Variants in ATP9A observed in about 807,000 individuals in gnomAD.
ATP9A encodes the protein ATPase phospholipid transporting 9A.
Under a neutral mutation model 144.1 loss-of-function variants are expected in ATP9A, and 52 were observed. The observed-to-expected ratio is 0.36, with a 90% confidence interval of 0.29 to 0.45. The LOEUF (loss-of-function observed/expected upper bound fraction) is 0.45. ATP9A is among the 20% of genes least tolerant of loss of function. The probability of loss-of-function intolerance (pLI) is 1.00; values close to 1 mark genes in which losing one functional copy is unlikely to be tolerated. For missense variants in ATP9A, 947 were observed against 1,392.7 expected, an observed-to-expected ratio of 0.68 and a Z score of 5.09; for synonymous variants, 582 against 557.4, an observed-to-expected ratio of 1.04 and a Z score of -0.62.
intron 13 of ATP9A, among the ~76,000 whole-genome samples, chr20:51,662,722 T>C (rs987187730): frequency 2.0e-5 from 3 of 152,104 alleles, no homozygotes; most frequent in Admixed American, 1.3e-4. Context: ...AATAGTGTTA[T>C]TCTGGCAGTG....
rs45519340 is a variant in ATP9A, at chr20:51,618,868, C to T, written c.2206-62G>A. On this transcript the variant is annotated intron_variant, in intron 20 of 27. Transcript: ENST00000338821. Reference sequence around the variant, plus strand: ...GGAGAGGTGGTGCGTTGGTGGAGGTCGCTGCCGAGCCTGCAGTGCCCCTGC... The same window carrying T: ...GGAGAGGTGGTGCGTTGGTGGAGGTTGCTGCCGAGCCTGCAGTGCCCCTGC... 2,346 of 1,582,602 alleles carry T rather than the reference C, an allele frequency of 1.5e-3. 3 individuals are homozygous for T. Among genetic ancestry groups the T allele is most frequent in the Non-Finnish European group, 1.8e-3 (2,055 of 1,161,402 alleles).
rs754326377 is a variant in ATP9A at position 51,601,200 on chromosome 20, G to A, written c.*11C>T. 1.9e-5 allele frequency: 30 copies of A among 1,591,464 alleles called. No individual in the cohort carries two copies. Among genetic ancestry groups the A allele is most frequent in the Middle Eastern group, 3.4e-4 (2 of 5,818 alleles). On this transcript the variant is annotated 3_prime_UTR_variant, in exon 28 of 28. Coordinates refer to ENST00000338821, the MANE Select transcript of ATP9A (RefSeq NM_006045.3). ...CGCCAAGACCAGGGCCCCCTCCAGC[G>A]AACGCACGGCCTATGATGTGAGCTT...
At chr20:51,620,674 C>T (rs947234141) in intron 19 of ATP9A, among the ~76,000 whole-genome samples, 3 of 152,006 alleles carry the variant, frequency 2.0e-5, no homozygotes, top group South Asian at 4.2e-4. Context: ...AGCAAAGAAG[C>T]GCTGTGTGCG....
At chr20:51,691,747 T>C (rs1052878518) in intron 7 of ATP9A, among the ~76,000 whole-genome samples, 4 of 152,160 alleles carry the variant, frequency 2.6e-5, no homozygotes, top group Admixed American at 6.5e-5. Flanking sequence ...TCCGGCTATA[T>C]ACCCAAAAGA....
At chr20:51,659,096 C>T (rs1444542509) in intron 13 of ATP9A, among the ~76,000 whole-genome samples, 2 of 152,130 alleles carry the variant, frequency 1.3e-5, no homozygotes, top group South Asian at 2.1e-4. Context: ...TGCCTGGAAC[C>T]CCATCCCCCA....
intron 14 of ATP9A, among the ~76,000 whole-genome samples, chr20:51,651,704 G>A (rs987072095): frequency 1.3e-5 from 2 of 151,994 alleles, no homozygotes; most frequent in African/African-American, 4.8e-5. Flanking sequence ...TGAGGTGAGT[G>A]GATCATTTGA....
At chr20:51,686,912 G>A (rs899124809) in intron 9 of ATP9A, among the ~76,000 whole-genome samples, 12 of 144,780 alleles carry the variant, frequency 8.3e-5, no homozygotes, top group Admixed American at 7.9e-4. Context: ...TCCAGCCTGG[G>A]CCACAGAGGG....
intron 8 of ATP9A, 85 bp downstream of exon 8, chr20:51,690,654 A>G: frequency 1.7e-6 from 2 of 1,183,342 alleles, no homozygotes; most frequent in Non-Finnish European, 2.5e-6. Flanking sequence ...ACTTCCTGAC[A>G]AAGAACTGTC....
chr20:51,616,209 GA>G (rs761088521), intron 22 of ATP9A, among the ~76,000 whole-genome samples: 2 of 152,034 alleles, frequency 1.3e-5, no homozygotes, highest in East Asian at 3.9e-4. Flanking sequence ...TAAAGAGGGG[GA>G]AAAAAAGCCC....
Position 51,639,884 on chromosome 20 carries a change from G to C in ATP9A, c.1507-380C>G, listed in dbSNP as rs552869775. 2.0e-3 allele frequency among the ~76,000 whole-genome samples: 310 copies of C among 152,216 alleles called. 2 individuals carry two copies. Among genetic ancestry groups the C allele is most frequent in the Middle Eastern group, 6.8e-3 (2 of 294 alleles). On this transcript the variant is annotated intron_variant, in intron 14 of 27. Coordinates refer to ENST00000338821, the MANE Select transcript of ATP9A (RefSeq NM_006045.3). ...GTGGATCACCTGAGGTCAGGAGTTC[G>C]AGACCAGCCTGGCCAATATGGTGAA...
chr20:51,691,035 G>C (rs1008948326), intron 7 of ATP9A, among the ~76,000 whole-genome samples: 2 of 152,180 alleles, frequency 1.3e-5, no homozygotes, highest in Non-Finnish European at 2.9e-5. Context: ...AGACTCTACA[G>C]TGAAGACCCT....
chr20:51,683,010 T>G (rs1229596797), intron 9 of ATP9A, among the ~76,000 whole-genome samples: 1 of 150,638 alleles, frequency 6.6e-6, no homozygotes, highest in Non-Finnish European at 1.5e-5. Context: ...GAGAATCGCT[T>G]GAACCCAGGA....
chr20:51,631,472 C>G (rs2426322), intron 15 of ATP9A, among the ~76,000 whole-genome samples: 3 of 151,936 alleles, frequency 2.0e-5, no homozygotes, highest in Non-Finnish European at 4.4e-5. Context: ...CCCAGCCCAG[C>G]TTCCTCACTA....
intron 13 of ATP9A, among the ~76,000 whole-genome samples, chr20:51,663,680 G>A (rs936814062): frequency 6.6e-5 from 10 of 151,842 alleles, no homozygotes; most frequent in Non-Finnish European, 1.0e-4. Flanking sequence ...TGTAATCCCA[G>A]CTACTTGGGA....
chr20:51,683,316 G>A (rs1278235364), intron 9 of ATP9A, among the ~76,000 whole-genome samples: 1 of 151,978 alleles, frequency 6.6e-6, no homozygotes, highest in Non-Finnish European at 1.5e-5. Context: ...CCAGGCTGGA[G>A]TGCAGTGGTG....
intron 9 of ATP9A, among the ~76,000 whole-genome samples, chr20:51,681,366 CT>C (rs2077498903): frequency 6.6e-6 from 1 of 151,784 alleles, no homozygotes; most frequent in Non-Finnish European, 1.5e-5. Flanking sequence ...TTCCTTTTTA[CT>C]GATTTTGGAG....
chr20:51,717,086 C>T lies in ATP9A; in HGVS notation c.328-4012G>A, dbSNP rs1476688660. ...CCTCGGGTGGCTGAGGCAGGAGAATCGCTTGAACCTGAAAGGCGGAAGTTA... is the reference window on the plus strand; with the variant it reads ...CCTCGGGTGGCTGAGGCAGGAGAATTGCTTGAACCTGAAAGGCGGAAGTTA... On this transcript the variant is annotated intron_variant, in intron 3 of 27. Coordinates refer to ENST00000338821, the MANE Select transcript of ATP9A (RefSeq NM_006045.3). 4.7e-5 allele frequency among the ~76,000 whole-genome samples: 7 copies of T among 150,326 alleles called. No homozygotes were observed. The East Asian group carries it at 9.9e-4, about 21-fold the overall frequency.
At chr20:51,634,081 GC>G (rs2077281021) in intron 15 of ATP9A, among the ~76,000 whole-genome samples, 1 of 152,112 alleles carries the variant, frequency 6.6e-6, no homozygotes, top group Admixed American at 6.5e-5. Context: ...CAGACTCTAA[GC>G]ACAGAGTCCC....
intron 18 of ATP9A, 90 bp from the exon 19 acceptor site, chr20:51,622,262 T>A (rs2077230117): frequency 5.7e-6 from 6 of 1,047,400 alleles, no homozygotes; most frequent in African/African-American, 1.6e-5. Context: ...AACATGGAGC[T>A]GAACTTGGTA....
Sources: allele counts gnomAD v4.1 joint callset (sites outside exome capture counted in the v4.1 genomes callset), GRCh38; gene constraint gnomAD v4.1.1; transcripts MANE v1.5; gene names NCBI Gene and HGNC (gene_info 2026-07-23, HGNC 2026-07-21).